MIPOL1: variants seen among roughly 807,000 people sequenced by gnomAD.
MIPOL1 encodes the protein mirror-image polydactyly 1, also known as mirror-image polydactyly gene 1 protein.
Under a neutral mutation model 60.9 loss-of-function variants are expected in MIPOL1, and 57 were observed. The observed-to-expected ratio is 0.94, with a 90% CI of 0.76 to 1.17. MIPOL1 has a LOEUF of 1.17. MIPOL1 is among the 50% of genes most tolerant of loss of function. MIPOL1 has a pLI of 0.00. For synonymous variants in MIPOL1, 179 were observed against 168.8 expected (o/e 1.06, Z -0.47); for missense variants, 551 against 511.6 (o/e 1.08, Z -0.74).
chr14:37,393,112 A>G (rs2093289352), intron 10 of MIPOL1, among the ~76,000 whole-genome samples: 1 of 152,126 alleles, frequency 6.6e-6, no homozygotes, highest in South Asian at 2.1e-4. Flanking sequence ...TGTGTCCACA[A>G]GCCAAGGAAT....
chr14:37,404,788 G>C (rs1234565495), intron 10 of MIPOL1, among the ~76,000 whole-genome samples: 2 of 152,110 alleles, frequency 1.3e-5, no homozygotes, highest in African/African-American at 2.4e-5. Context: ...CTGGCTGTTG[G>C]TTTTAGGGAG....
At chr14:37,207,394 C>T (rs1535137) in intron 1 of MIPOL1, among the ~76,000 whole-genome samples, 63,202 of 152,028 alleles carry the variant, frequency 0.42, 15,901 homozygotes, top group African/African-American at 0.72. Context: ...CTTTCTTTTG[C>T]AAATTGCCTA....
At chr14:37,457,368 A>C (rs942897146) in intron 11 of MIPOL1, among the ~76,000 whole-genome samples, 1 of 152,214 alleles carries the variant, frequency 6.6e-6, no homozygotes, top group African/African-American at 2.4e-5. Context: ...AAATGAGAAT[A>C]GACATGGCTT....
intron 11 of MIPOL1, among the ~76,000 whole-genome samples, chr14:37,423,347 A>T (rs1332844769): frequency 6.6e-6 from 1 of 150,560 alleles, no homozygotes; most frequent in African/African-American, 2.4e-5. Context: ...TTTAAAACAC[A>T]CATGAGCAGC....
At chr14:37,320,133 C>A (rs915518149) in intron 9 of MIPOL1, among the ~76,000 whole-genome samples, 1 of 152,070 alleles carries the variant, frequency 6.6e-6, no homozygotes, top group Non-Finnish European at 1.5e-5. Flanking sequence ...TTGAACATAT[C>A]TTTTGGCGGG....
At chr14:37,419,537 ATG>A (rs989527202) in intron 10 of MIPOL1, among the ~76,000 whole-genome samples, 2 of 152,238 alleles carry the variant, frequency 1.3e-5, no homozygotes, top group Admixed American at 6.5e-5. Flanking sequence ...ACTTGCATAT[ATG>A]TTTACTTTGA....
chr14:37,298,870 C>A (rs1027145830), intron 7 of MIPOL1, among the ~76,000 whole-genome samples: 3 of 149,410 alleles, frequency 2.0e-5, no homozygotes, highest in African/African-American at 7.4e-5. Flanking sequence ...CTAGTTCAAC[C>A]ATTGTGGAAG....
chr14:37,514,551 C>T (rs889088596), intron 12 of MIPOL1, among the ~76,000 whole-genome samples: 1 of 151,988 alleles, frequency 6.6e-6, no homozygotes, highest in African/African-American at 2.4e-5. Context: ...AAAACTTTCC[C>T]CTTTGTTGTC....
At chr14:37,449,382 GA>G (rs1379538351) in intron 11 of MIPOL1, among the ~76,000 whole-genome samples, 1 of 152,098 alleles carries the variant, frequency 6.6e-6, no homozygotes, top group Non-Finnish European at 1.5e-5. Flanking sequence ...TAGACTTGTA[GA>G]AAACATATAA....
intron 9 of MIPOL1, among the ~76,000 whole-genome samples, chr14:37,356,932 C>T (rs2091889479): frequency 6.6e-6 from 1 of 152,128 alleles, no homozygotes; most frequent in Non-Finnish European, 1.5e-5. Context: ...GGCTCCTCCC[C>T]CCAGGATCTC....
At chr14:37,291,895 A>G (rs1465738753) in intron 7 of MIPOL1, among the ~76,000 whole-genome samples, 1 of 149,040 alleles carries the variant, frequency 6.7e-6, no homozygotes, top group Non-Finnish European at 1.5e-5. Flanking sequence ...TAATACTATT[A>G]CATATTACAA....
intron 11 of MIPOL1, chr14:37,434,669 G>C (rs542713665): frequency 6.6e-6 from 1 of 152,138 alleles, no homozygotes; most frequent in South Asian, 2.1e-4. Context: ...CGACTTCCCA[G>C]TGTTGGGATT....
chr14:37,405,829 G>A (rs950225467), intron 10 of MIPOL1, among the ~76,000 whole-genome samples: 21 of 150,462 alleles, frequency 1.4e-4, no homozygotes, highest in Admixed American at 4.6e-4. Context: ...CAAAAATTTT[G>A]CTAATTTTTC....
chr14:37,241,897 A>C (rs1972423718), intron 1 of MIPOL1, among the ~76,000 whole-genome samples: 1 of 152,116 alleles, frequency 6.6e-6, no homozygotes. Context: ...CTATTCCAAG[A>C]CATTCTTGCC....
chr14:37,527,637 A>T (rs2095455909), intron 12 of MIPOL1, among the ~76,000 whole-genome samples: 1 of 152,110 alleles, frequency 6.6e-6, no homozygotes, highest in Admixed American at 6.6e-5. Context: ...AATGTGAGAG[A>T]TTAAAGGAAA....
chr14:37,244,104 C>CTTT (rs143933758), intron 1 of MIPOL1, among the ~76,000 whole-genome samples: 1,243 of 51,636 alleles, frequency 0.024, 490 homozygotes, highest in East Asian at 0.033. Flanking sequence ...GACTCACTTC[C>CTTT]TTTTTTTTTT....
At chr14:37,455,916 G>GT (rs1453174154) in intron 11 of MIPOL1, among the ~76,000 whole-genome samples, 1 of 151,844 alleles carries the variant, frequency 6.6e-6, no homozygotes, top group Non-Finnish European at 1.5e-5. Context: ...CTCAGATTTA[G>GT]TAAGTCTATG....
intron 11 of MIPOL1, among the ~76,000 whole-genome samples, chr14:37,479,632 A>G (rs1000869798): frequency 7.9e-5 from 12 of 152,096 alleles, no homozygotes; most frequent in Admixed American, 4.6e-4. Flanking sequence ...TCAAGGAACT[A>G]GGAAAAGAAT....
chr14:37,225,529 G>T (rs963326660), intron 1 of MIPOL1, among the ~76,000 whole-genome samples: 6 of 152,156 alleles, frequency 3.9e-5, no homozygotes, highest in Non-Finnish European at 8.8e-5. Flanking sequence ...CTCTATGGTG[G>T]CCCCTTTCAG....
Sources: allele counts gnomAD v4.1 joint callset (sites outside exome capture counted in the v4.1 genomes callset), GRCh38; gene constraint gnomAD v4.1.1; transcripts MANE v1.5; gene names NCBI Gene and HGNC (gene_info 2026-07-23, HGNC 2026-07-21).